GFPT2: variants seen among roughly 807,000 people sequenced by gnomAD.
GFPT2 encodes glutamine--fructose-6-phosphate aminotransferase [isomerizing] 2.
Under a neutral mutation model 85.6 loss-of-function variants are expected in GFPT2, and 62 were observed. That is an observed-to-expected ratio of 0.72 (90% CI 0.59 to 0.90). GFPT2 has a LOEUF of 0.90. Ranked by LOEUF, GFPT2 falls within the 40% of genes least tolerant of loss-of-function variation. The pLI is 0.00. For missense variants in GFPT2, 788 were observed against 893.4 expected, an observed-to-expected ratio of 0.88 and a Z score of 1.50; for synonymous variants, 368 against 344.5, an observed-to-expected ratio of 1.07 and a Z score of -0.75.
Position 180,331,512 on chromosome 5 carries a change from C to T in GFPT2, c.382G>A (p.Asp128Asn). Residue 128 changes from aspartate to asparagine, a missense_variant, in exon 5 of 19, where the codon GAT becomes AAT. Coordinates refer to ENST00000253778, the MANE Select transcript of GFPT2 (RefSeq NM_005110.4). ...IHNGIITNYK[D>N]LRKFLESKGY... ...CATCTTACCAGAAATTTCCTCAGAT[C>T]TTTGTAATTTGTGATGATCCCATTG... 6.3e-7 allele frequency: 1 copy of T among 1,592,496 alleles called. No individual in the cohort carries two copies. Among genetic ancestry groups the T allele is most frequent in the Non-Finnish European group, 8.6e-7 (1 of 1,160,276 alleles).
rs566392277 is a variant in GFPT2, at chr5:180,314,100, C to A, written c.1274-136G>T. The A allele has an allele frequency of 3.1e-5, 24 of 780,552 alleles. No individual in the cohort carries two copies. The African/African-American group carries it at 4.3e-4, about 14-fold the overall frequency. 48.4% of individuals were successfully genotyped at this position (780,552 alleles called of 1,614,324 possible). A position where few individuals can be genotyped will look rare whatever the true frequency, so the allele number is the denominator to read the frequency against. ...GCCAGCGGGTGTTCAGAAAGGAAAA[C>A]GCTCGCTCAACAGCCTTTTCGGTTG... On this transcript the variant is annotated intron_variant, in intron 13 of 18. Coordinates refer to ENST00000253778, the MANE Select transcript of GFPT2 (RefSeq NM_005110.4).
intron 17 of GFPT2, among the ~76,000 whole-genome samples, chr5:180,304,233 A>G (rs1763734957): frequency 6.6e-6 from 1 of 152,170 alleles, no homozygotes; most frequent in African/African-American, 2.4e-5. Context: ...TTATAATAAA[A>G]CTGTAATCAT....
At position 180,313,793 on chromosome 5, in the gene GFPT2, G is replaced by A. The variant is rs762188789; in HGVS notation, c.1431+14C>T. The A allele has an allele frequency of 2.7e-5, 42 of 1,538,878 alleles. No homozygotes were observed. Among genetic ancestry groups the A allele is most frequent in the Non-Finnish European group, 3.3e-5 (38 of 1,147,038 alleles). On this transcript the variant is annotated intron_variant, in intron 14 of 18. Transcript: ENST00000253778. Reference sequence around the variant, plus strand: ...CAGGCTCTCCCTGGGACGGGCGCCCGTGGCTCCTCCTACCTTGGTGCTGGC... The same window carrying A: ...CAGGCTCTCCCTGGGACGGGCGCCCATGGCTCCTCCTACCTTGGTGCTGGC...
At chr5:180,325,106 A>C (rs946192643) in intron 7 of GFPT2, among the ~76,000 whole-genome samples, 14 of 152,164 alleles carry the variant, frequency 9.2e-5, no homozygotes, top group Non-Finnish European at 1.8e-4. Context: ...CCACCTGCCC[A>C]GAAAGCTTGG....
intron 8 of GFPT2, 44 bp downstream of exon 8, chr5:180,324,772 G>A (rs904635065): frequency 3.1e-6 from 4 of 1,283,544 alleles, no homozygotes; most frequent in African/African-American, 1.5e-5. Flanking sequence ...CGAGTCCTGC[G>A]ACACCAGCAG....
At position 180,323,647 on chromosome 5, in the gene GFPT2, G is replaced by A. The variant is rs921135618; in HGVS notation, c.794+541C>T. Among the ~76,000 whole-genome samples, 1 of 152,036 alleles carries A rather than the reference G, an allele frequency of 6.6e-6. No individual in the cohort carries two copies. The highest frequency in any genetic ancestry group is 1.5e-5 in the Non-Finnish European group (1 of 68,010). On this transcript the variant is annotated intron_variant, in intron 9 of 18. Transcript: ENST00000253778. The surrounding 1 kb of genome is among the most constrained non-coding windows in gnomAD (Gnocchi z 4.0). ...AAATCATTATTCAGTGGATTGATGA[G>A]AGCATGGACTTTAGAATCAATTGAA... is the stretch of plus-strand genomic sequence containing the variant.
chr5:180,333,543 G>A (rs924961525), intron 4 of GFPT2, among the ~76,000 whole-genome samples: 1 of 152,112 alleles, frequency 6.6e-6, no homozygotes, highest in Non-Finnish European at 1.5e-5. Flanking sequence ...CGGTGATATT[G>A]TTTCTTTACA....
intron 10 of GFPT2, among the ~76,000 whole-genome samples, chr5:180,317,854 C>G (rs1392404295): frequency 2.0e-5 from 3 of 151,910 alleles, no homozygotes; most frequent in Non-Finnish European, 4.4e-5. Context: ...AATGGGGCTG[C>G]AGGGTGTTCA....
intron 1 of GFPT2, among the ~76,000 whole-genome samples, chr5:180,342,222 T>C (rs1051052010): frequency 6.6e-5 from 10 of 152,138 alleles, no homozygotes; most frequent in Admixed American, 2.0e-4. Context: ...TGCCCAGTCT[T>C]GGGCACGTCT....
At chr5:180,314,642 T>C (rs1763966532) in intron 13 of GFPT2, among the ~76,000 whole-genome samples, 1 of 152,190 alleles carries the variant, frequency 6.6e-6, no homozygotes, top group Admixed American at 6.5e-5. Flanking sequence ...GCTGTGTCTG[T>C]CCCAGCTTTG....
chr5:180,331,361 A>C, intron 5 of GFPT2, 134 bp downstream of exon 5: 1 of 644,720 alleles, frequency 1.6e-6, no homozygotes, highest in Non-Finnish European at 2.8e-6. Flanking sequence ...GTTTCTTCTC[A>C]ACACGGTGAC....
chr5:180,316,753 G>A lies in GFPT2; in HGVS notation c.1152+11C>T. 1 of 1,591,122 alleles carries A rather than the reference G, an allele frequency of 6.3e-7. No homozygotes were observed. Among genetic ancestry groups the A allele is most frequent in the Non-Finnish European group, 8.6e-7 (1 of 1,159,686 alleles). On this transcript the variant is annotated intron_variant, in intron 12 of 18. Coordinates refer to ENST00000253778, the MANE Select transcript of GFPT2 (RefSeq NM_005110.4). The stretch of plus-strand genomic sequence containing the variant: ...GCCGTCGACTTCCCCACGCACATGT[G>A]TCACACTTACAGCCACGGCAGCGTG...
At chr5:180,346,305 T>C (rs1764606861) in intron 1 of GFPT2, among the ~76,000 whole-genome samples, 1 of 152,094 alleles carries the variant, frequency 6.6e-6, no homozygotes, top group African/African-American at 2.4e-5. Flanking sequence ...CATAGAAACC[T>C]ATCCCAAGAA....
chr5:180,306,857 A>G (rs1050934276), intron 16 of GFPT2, among the ~76,000 whole-genome samples: 1 of 152,154 alleles, frequency 6.6e-6, no homozygotes, highest in Non-Finnish European at 1.5e-5. Flanking sequence ...GAAGCAGCTC[A>G]TGAGGTCTGA....
rs189057525 is a variant in GFPT2, at chr5:180,301,552, A to G, written c.*12T>C. On this transcript the variant is annotated 3_prime_UTR_variant, in exon 19 of 19. Coordinates refer to ENST00000253778, the MANE Select transcript of GFPT2 (RefSeq NM_005110.4). ...GATGAAAGGTGGTGATGGTCTTGTC[A>G]CGGTCTCAGCCTCATTCCACAGTTA... The G allele has an allele frequency of 3.0e-4, 490 of 1,608,238 alleles. 1 individual carries two copies. The African/African-American group carries it at 5.9e-3, about 19-fold the overall frequency.
intron 16 of GFPT2, among the ~76,000 whole-genome samples, chr5:180,305,747 T>A (rs1763764337): frequency 6.6e-6 from 1 of 152,182 alleles, no homozygotes; most frequent in Non-Finnish European, 1.5e-5. Context: ...CCCCCACCCA[T>A]GACGCAGAGT....
chr5:180,335,358 C>T (rs1294182935), intron 4 of GFPT2, among the ~76,000 whole-genome samples: 1 of 152,212 alleles, frequency 6.6e-6, no homozygotes, highest in Non-Finnish European at 1.5e-5. Context: ...TGTCTGGTGG[C>T]ACCAATCAAG....
rs1764752351 is a variant in GFPT2, at chr5:180,353,227, T to G, written c.-10A>C. 10 of 1,241,356 alleles carry G rather than the reference T, an allele frequency of 8.1e-6. No homozygotes were observed. The highest frequency in any genetic ancestry group is 1.6e-5 in the African/African-American group (1 of 64,360). The allele number at this position is 1,241,356 out of a possible 1,614,324, so 76.9% of individuals were successfully genotyped here. The stretch of plus-strand genomic sequence containing the variant: ...GGCACTCACCGCACATCGTGGCTGC[T>G]TCTCGGGCTCCTTCGCGGCTCGAGG... On this transcript the variant is annotated 5_prime_UTR_variant, in exon 1 of 19. Coordinates refer to ENST00000253778, the MANE Select transcript of GFPT2 (RefSeq NM_005110.4).
At chr5:180,326,076 T>C (rs1035013673) in intron 7 of GFPT2, among the ~76,000 whole-genome samples, 1 of 152,162 alleles carries the variant, frequency 6.6e-6, no homozygotes, top group Non-Finnish European at 1.5e-5. Context: ...TTAAATGATA[T>C]CCTGATTCCA....
Sources: gnomAD v4.1 joint callset for allele counts (sites outside exome capture counted in the v4.1 genomes callset) on GRCh38, gnomAD v4.1.1 for gene constraint, Gnocchi (gnomAD v3.1) non-coding constraint, MANE v1.5 for transcripts, NCBI Gene and HGNC (gene_info 2026-07-23, HGNC 2026-07-21) for gene names.